The following RICTOR variants were observed in gnomAD, a reference collection of about 807,000 sequenced individuals.
RICTOR encodes the protein RPTOR independent companion of MTOR complex 2, also known as rapamycin-insensitive companion of mTOR.
RICTOR carries 49 observed loss-of-function variants against 214.9 expected under a neutral mutation model. The ratio of observed to expected loss-of-function variants is 0.23; its 90% confidence interval spans 0.18 to 0.29. RICTOR has a LOEUF of 0.29. Ranked by LOEUF, RICTOR falls within the 10% of genes least tolerant of loss-of-function variation. RICTOR has a pLI of 1.00. For missense variants in RICTOR, 1,625 were observed against 2,047.0 expected, an observed-to-expected ratio of 0.79 and a Z score of 3.98; for synonymous variants, 717 against 711.3, an observed-to-expected ratio of 1.01 and a Z score of -0.13.
At position 38,949,328 on chromosome 5, in the gene RICTOR, C is replaced by A. The variant is rs775978877; in HGVS notation, c.4136+384G>T. On this transcript the variant is annotated intron_variant, in intron 31 of 37. Coordinates refer to ENST00000357387, the MANE Select transcript of RICTOR (RefSeq NM_152756.5). Reference sequence around the variant, plus strand: ...CTTTTTAAAAAAATAATAAAGAGGTCAACTTTTGGAGCCTTAAATTGACCT... The same window carrying A: ...CTTTTTAAAAAAATAATAAAGAGGTAAACTTTTGGAGCCTTAAATTGACCT... 1.8e-5 allele frequency: 26 copies of A among 1,427,188 alleles called. 1 individual carries two copies. In the South Asian group the frequency reaches 2.5e-4, roughly 14 times the overall value. The allele number at this position is 1,427,188 out of a possible 1,614,324, so 88.4% of individuals were successfully genotyped here.
chr5:39,026,810 C>A (rs766286015), intron 2 of RICTOR, among the ~76,000 whole-genome samples: 15 of 151,836 alleles, frequency 9.9e-5, no homozygotes, highest in Non-Finnish European at 1.9e-4. Flanking sequence ...GAGTTTGAGA[C>A]CAGCCTGACC....
At chr5:38,962,187 A>T in intron 19 of RICTOR, 128 bp downstream of exon 19, 1 of 406,794 alleles carries the variant, frequency 2.5e-6, no homozygotes, top group East Asian at 3.7e-5. Context: ...ATATATGAGT[A>T]CCTATTGAAG....
At chr5:39,011,587 T>C (rs1347936401) in intron 3 of RICTOR, among the ~76,000 whole-genome samples, 1 of 152,138 alleles carries the variant, frequency 6.6e-6, no homozygotes, top group Non-Finnish European at 1.5e-5. Context: ...GAGGGGGTGC[T>C]GTATCCTGCA....
At chr5:38,986,298 A>T (rs1752165737) in intron 7 of RICTOR, among the ~76,000 whole-genome samples, 1 of 152,158 alleles carries the variant, frequency 6.6e-6, no homozygotes, top group Non-Finnish European at 1.5e-5. Context: ...AAGTTTCCTG[A>T]GGCCTCTCAA....
At position 39,013,028 on chromosome 5, in the gene RICTOR, T is replaced by C. The variant is rs1397336212; in HGVS notation, c.195+8011A>G. On this transcript the variant is annotated intron_variant, in intron 3 of 37. Transcript: ENST00000357387. Reference sequence around the variant, plus strand: ...AAGACAACCTGAAAGAAAACAGGAATGAAAAATAGAGTGGCAGCATGTAAT... The same window carrying C: ...AAGACAACCTGAAAGAAAACAGGAACGAAAAATAGAGTGGCAGCATGTAAT... Among the ~76,000 whole-genome samples, 6 of 152,164 alleles carry C rather than the reference T, an allele frequency of 3.9e-5. 1 individual carries two copies. Among genetic ancestry groups the C allele is most frequent in the Admixed American group, 3.3e-4 (5 of 15,272 alleles).
chr5:39,036,405 C>A (rs1756695827), intron 2 of RICTOR, among the ~76,000 whole-genome samples: 1 of 152,190 alleles, frequency 6.6e-6, no homozygotes, highest in African/African-American at 2.4e-5. Context: ...GAAACTGCAT[C>A]AACTAATGAG....
chr5:39,021,156 A>T lies in RICTOR; in HGVS notation c.98-20T>A, dbSNP rs749767707. ...AAGGTTCTAGAAGGAAAGACAAGAC[A>T]ATTTAACACAATTTTATGAGTATTT... On this transcript the variant is annotated intron_variant, in intron 2 of 37. Coordinates refer to ENST00000357387, the MANE Select transcript of RICTOR (RefSeq NM_152756.5). 8.1e-7 allele frequency: 1 copy of T among 1,230,218 alleles called. No individual in the cohort carries two copies. The highest frequency in any genetic ancestry group is 1.2e-6 in the Non-Finnish European group (1 of 829,832). 76.2% of individuals were successfully genotyped at this position (1,230,218 alleles called of 1,614,324 possible).
intron 2 of RICTOR, among the ~76,000 whole-genome samples, chr5:39,026,736 G>A (rs772151418): frequency 5.9e-5 from 9 of 151,510 alleles, no homozygotes; most frequent in Non-Finnish European, 1.0e-4. Context: ...GGCCAGGTGC[G>A]GTGGCTCACA....
intron 3 of RICTOR, among the ~76,000 whole-genome samples, chr5:39,020,282 G>GA (rs139568414): frequency 0.033 from 5,018 of 152,190 alleles, 137 homozygotes; most frequent in South Asian, 0.081. Flanking sequence ...AATTTTGAAA[G>GA]AAAAAATGCT....
At chr5:38,965,401 C>G (rs1750133327) in intron 15 of RICTOR, among the ~76,000 whole-genome samples, 1 of 151,882 alleles carries the variant, frequency 6.6e-6, no homozygotes, top group African/African-American at 2.4e-5. Flanking sequence ...CACCACCCAA[C>G]CAGCTATCAA....
chr5:38,977,775 C>T (rs1347433320), intron 9 of RICTOR, among the ~76,000 whole-genome samples: 1 of 151,568 alleles, frequency 6.6e-6, no homozygotes, highest in Non-Finnish European at 1.5e-5. Context: ...TTAGTAGAGA[C>T]GGGGTTTCAC....
intron 2 of RICTOR, among the ~76,000 whole-genome samples, chr5:39,048,388 A>G (rs1274850198): frequency 6.6e-6 from 1 of 152,178 alleles, no homozygotes; most frequent in Admixed American, 6.5e-5. Context: ...CTGGACCTAA[A>G]CTGTTTATAC....
chr5:38,990,691 A>ATCATATC lies in RICTOR; in HGVS notation c.583+257_583+258insGATATGA, dbSNP rs1561502222. ...GATATATATCAGATATATCATATAT[A>ATCATATC]TGATATATATCAGATATGATATATA... On this transcript the variant is annotated intron_variant, in intron 7 of 37. Transcript: ENST00000357387. 5.8e-3 allele frequency among the ~76,000 whole-genome samples: 28 copies of ATCATATC among 4,804 alleles called. 1 individual carries two copies. The East Asian group carries it at 0.1, about 17-fold the overall frequency. The allele number at this position is 4,804 out of a possible 152,430, so 3.2% of individuals were successfully genotyped here.
At chr5:39,030,807 G>A (rs1756223289) in intron 2 of RICTOR, among the ~76,000 whole-genome samples, 1 of 152,108 alleles carries the variant, frequency 6.6e-6, no homozygotes, top group Admixed American at 6.5e-5. Flanking sequence ...TACTCAGGAG[G>A]AGGAGGGTCC....
intron 8 of RICTOR, among the ~76,000 whole-genome samples, chr5:38,980,573 A>G (rs1453900892): frequency 2.6e-5 from 4 of 152,118 alleles, no homozygotes; most frequent in African/African-American, 9.7e-5. Context: ...GGCTGGGCAT[A>G]GTGGCTCATA....
intron 11 of RICTOR, chr5:38,970,452 T>C (rs537159776): frequency 5.1e-4 from 77 of 152,350 alleles, no homozygotes; most frequent in African/African-American, 1.8e-3. Context: ...AAAGACCATG[T>C]TCTTTTTCCA....
rs576316955 is a variant in RICTOR, at chr5:38,969,038, C to T, written c.973-1008G>A. 9.3e-4 allele frequency among the ~76,000 whole-genome samples: 137 copies of T among 146,768 alleles called. 1 individual carries two copies. The highest frequency in any genetic ancestry group is 1.6e-3 in the Non-Finnish European group (109 of 67,288). On this transcript the variant is annotated intron_variant, in intron 11 of 37. Coordinates refer to ENST00000357387, the MANE Select transcript of RICTOR (RefSeq NM_152756.5). ...AGGCTGGAGGGCAGTGGCACAATCT[C>T]GGCTCACTGTAACCTCCACCTCCCG...
At position 38,939,905 on chromosome 5, in the gene RICTOR, A is replaced by G; in HGVS notation, c.*2399T>C. 1 of 227,808 alleles carries G rather than the reference A, an allele frequency of 4.4e-6. No individual in the cohort carries two copies. The highest frequency in any genetic ancestry group is 8.7e-6 in the Non-Finnish European group (1 of 114,558). 14.1% of individuals were successfully genotyped at this position (227,808 alleles called of 1,614,324 possible). A position where few individuals can be genotyped will look rare whatever the true frequency, so the allele number is the denominator to read the frequency against. On this transcript the variant is annotated 3_prime_UTR_variant, in exon 38 of 38. Coordinates refer to ENST00000357387, the MANE Select transcript of RICTOR (RefSeq NM_152756.5). ...ACTTAAGTTAATCACTTGGCACTGC[A>G]TGTATTTTTCACCATAAAGTCTACT... is the stretch of plus-strand genomic sequence containing the variant.
intron 3 of RICTOR, among the ~76,000 whole-genome samples, chr5:39,010,063 C>T (rs140442055): frequency 2.0e-5 from 3 of 152,260 alleles, no homozygotes; most frequent in African/African-American, 7.2e-5. Flanking sequence ...AAGGGCAGGA[C>T]CAGGTGGAGA....
Sources: allele counts gnomAD v4.1 joint callset (sites outside exome capture counted in the v4.1 genomes callset), GRCh38; gene constraint gnomAD v4.1.1; transcripts MANE v1.5; gene names NCBI Gene and HGNC (gene_info 2026-07-23, HGNC 2026-07-21).